Variants in KLF3 observed in about 807,000 individuals in gnomAD.
KLF3 encodes Krueppel-like factor 3.
Under a neutral mutation model 32.7 loss-of-function variants are expected in KLF3, and 6 were observed. That is an observed-to-expected ratio of 0.18 (90% CI 0.10 to 0.36). The LOEUF (loss-of-function observed/expected upper bound fraction) is 0.36, where lower values mean the gene tolerates loss of function less well. KLF3 is among the 10% of genes least tolerant of loss of function. The probability of loss-of-function intolerance (pLI) is 1.00; values close to 1 mark genes in which losing one functional copy is unlikely to be tolerated. For synonymous variants in KLF3, 145 were observed against 172.8 expected (o/e 0.84, Z 1.26); for missense variants, 338 against 449.7 (o/e 0.75, Z 2.25).
chr4:38,698,961 T>A lies in KLF3; in HGVS notation c.*1698T>A, dbSNP rs934815775. 1 of 152,206 alleles carries A rather than the reference T, an allele frequency of 6.6e-6. No individual in the cohort carries two copies. The highest frequency in any genetic ancestry group is 2.4e-5 in the African/African-American group (1 of 41,456). The allele number at this position is 152,206 out of a possible 1,614,324, so 9.4% of individuals were successfully genotyped here. ...CTGGGAGGAATACATTGTTTGATCA[T>A]TTTTAAAACATCTGTGAATGAGTGA... On this transcript the variant is annotated 3_prime_UTR_variant, in exon 6 of 6. Transcript: ENST00000261438.
chr4:38,687,127 C>T (rs1722728000), intron 2 of KLF3, among the ~76,000 whole-genome samples: 1 of 152,166 alleles, frequency 6.6e-6, no homozygotes, highest in Non-Finnish European at 1.5e-5. Context: ...GGTTGCATCC[C>T]AAGTTAGTAT....
chr4:38,677,801 C>T (rs1722397592), intron 1 of KLF3, among the ~76,000 whole-genome samples: 1 of 151,864 alleles, frequency 6.6e-6, no homozygotes, highest in African/African-American at 2.4e-5. Context: ...GAAGTTGGAA[C>T]CAACACATTT....
intron 2 of KLF3, 27 bp downstream of exon 2, chr4:38,680,709 G>A (rs759970773): frequency 1.3e-5 from 20 of 1,565,394 alleles, no homozygotes; most frequent in Admixed American, 8.4e-5. Flanking sequence ...TGAACACCTC[G>A]CCTTATTTTT....
chr4:38,685,846 A>G (rs1435544471), intron 2 of KLF3, among the ~76,000 whole-genome samples: 2 of 152,190 alleles, frequency 1.3e-5, no homozygotes, highest in Non-Finnish European at 2.9e-5. Context: ...TCTCCTTCCT[A>G]TATTTAATTA....
At chr4:38,664,536 T>A (rs984326277) in intron 1 of KLF3, 75 bp downstream of exon 1, 2 of 150,988 alleles carry the variant, frequency 1.3e-5, no homozygotes, top group East Asian at 4.0e-4. Context: ...TCTGGTTTCA[T>A]TTTTTCTCCT....
At position 38,697,098 on chromosome 4, in the gene KLF3, A is replaced by T; in HGVS notation, c.873A>T (p.Lys291Asn). Residue 291 changes from lysine to asparagine, a missense_variant, in exon 6 of 6, where the codon AAA (lysine) becomes AAT (asparagine). Transcript: ENST00000261438. ...CTTTTGCAGGAGAAAAACCCTACAA[A>T]TGTACATGGGAAGGGTGCACATGGA... ...RRTHTGEKPY[K>N]CTWEGCTWKF... 1 of 1,606,912 alleles carries T rather than the reference A, an allele frequency of 6.2e-7. No individual in the cohort carries two copies. The highest frequency in any genetic ancestry group is 1.3e-5 in the African/African-American group (1 of 74,636).
At chr4:38,689,137 T>C (rs1397192949) in intron 3 of KLF3, 66 bp downstream of exon 3, 1 of 1,581,542 alleles carries the variant, frequency 6.3e-7, no homozygotes, top group Admixed American at 1.7e-5. Context: ...CCAGATGGGG[T>C]GGGTGAGGAA....
At chr4:38,677,857 G>T (rs1722398511) in intron 1 of KLF3, among the ~76,000 whole-genome samples, 1 of 149,700 alleles carries the variant, frequency 6.7e-6, no homozygotes, top group Non-Finnish European at 1.5e-5. Flanking sequence ...TGTGCATATG[G>T]ATATAAATGA....
At chr4:38,695,242 T>C (rs555681812) in intron 5 of KLF3, among the ~76,000 whole-genome samples, 1 of 152,370 alleles carries the variant, frequency 6.6e-6, no homozygotes, top group South Asian at 2.1e-4. Context: ...TCCTGTGAGC[T>C]ATTTCACATA....
chr4:38,665,330 G>C (rs1290764072), intron 1 of KLF3, among the ~76,000 whole-genome samples: 5 of 152,114 alleles, frequency 3.3e-5, no homozygotes, highest in Non-Finnish European at 7.4e-5. Flanking sequence ...CAGATCCCTG[G>C]ATCAGGACCC....
intron 3 of KLF3, among the ~76,000 whole-genome samples, 162 bp from the exon 4 acceptor site, chr4:38,689,567 C>A (rs980200694): frequency 1.3e-5 from 2 of 152,170 alleles, no homozygotes; most frequent in South Asian, 4.1e-4. Context: ...AAATAATGGT[C>A]AGGAGAGGTG....
intron 4 of KLF3, 127 bp downstream of exon 4, chr4:38,690,006 G>C: frequency 1.1e-6 from 1 of 871,018 alleles, no homozygotes; most frequent in Non-Finnish European, 1.8e-6. Flanking sequence ...ATCTGTGGCC[G>C]CCACTGGTCC....
rs1722453395 is a variant in KLF3, at chr4:38,679,522, T to A, written c.-39-1065T>A. Among the ~76,000 whole-genome samples the A allele has an allele frequency of 1.3e-5, 2 of 152,204 alleles. 1 individual carries two copies. The highest frequency in any genetic ancestry group is 4.1e-4 in the South Asian group (2 of 4,832). ...AATGTATATACTTCTCACCCAGGAA[T>A]TCCCCTACAGAAAACTTATCCTAAA... On this transcript the variant is annotated intron_variant, in intron 1 of 5. Coordinates refer to ENST00000261438, the MANE Select transcript of KLF3 (RefSeq NM_016531.6).
intron 2 of KLF3, among the ~76,000 whole-genome samples, chr4:38,687,429 T>C (rs921737177): frequency 4.6e-5 from 7 of 152,204 alleles, no homozygotes; most frequent in Non-Finnish European, 8.8e-5. Context: ...ATAGTGCCCA[T>C]TGTGTGAAAT....
In KLF3 at chr4:38,691,010, G is replaced by A. The variant is rs185006734; in HGVS notation, c.695+1131G>A. Among the ~76,000 whole-genome samples the A allele has an allele frequency of 3.3e-5, 5 of 152,188 alleles. No homozygotes were observed. In the East Asian group the frequency reaches 5.8e-4, roughly 18 times the overall value. ...ATGAAGAAGAGAATAACTCTTAGCC[G>A]ACTTCATCAGCAGGTAGGGAGAGAG... On this transcript the variant is annotated intron_variant, in intron 4 of 5. Transcript: ENST00000261438.
rs1030908511 is a variant in KLF3 at position 38,699,925 on chromosome 4, T to G, written c.*2662T>G. The G allele has an allele frequency of 1.3e-5, 2 of 152,252 alleles. No homozygotes were observed. Among genetic ancestry groups the G allele is most frequent in the Non-Finnish European group, 2.9e-5 (2 of 68,032 alleles). The allele number at this position is 152,252 out of a possible 1,614,324, so 9.4% of individuals were successfully genotyped here. On this transcript the variant is annotated 3_prime_UTR_variant, in exon 6 of 6. Transcript: ENST00000261438. ...ATACAAGATTAGATGCCCTTGAACA[T>G]GTTTTAATGATGTGTGTCATGTTAC...
At position 38,664,217 on chromosome 4, in the gene KLF3, G is replaced by A. The variant is rs1721903123; in HGVS notation, c.-284G>A. On this transcript the variant is annotated 5_prime_UTR_variant, in exon 1 of 6. Transcript: ENST00000261438. ...GGCTCGCAGAGCGAGCGGCGCCGGCGTCATGTGACTGCCCGGAGTTGGTGC... is the reference window on the plus strand; with the variant it reads ...GGCTCGCAGAGCGAGCGGCGCCGGCATCATGTGACTGCCCGGAGTTGGTGC... 1 of 152,016 alleles carries A rather than the reference G, an allele frequency of 6.6e-6. No homozygotes were observed. The highest frequency in any genetic ancestry group is 2.1e-4 in the South Asian group (1 of 4,836). 9.4% of individuals were successfully genotyped at this position (152,016 alleles called of 1,614,324 possible).
Position 38,699,859 on chromosome 4 carries a change from G to A in KLF3, c.*2596G>A, listed in dbSNP as rs1301738188. ...TTTACTATGATAGTTGAGAAATTTAGCCTCTTAGTCATTTTTAGCTGTTAT... is the reference window on the plus strand; with the variant it reads ...TTTACTATGATAGTTGAGAAATTTAACCTCTTAGTCATTTTTAGCTGTTAT... On this transcript the variant is annotated 3_prime_UTR_variant, in exon 6 of 6. Coordinates refer to ENST00000261438, the MANE Select transcript of KLF3 (RefSeq NM_016531.6). 6.6e-6 allele frequency: 1 copy of A among 152,092 alleles called. No individual in the cohort carries two copies. The highest frequency in any genetic ancestry group is 2.4e-5 in the African/African-American group (1 of 41,408). The allele number at this position is 152,092 out of a possible 1,614,324, so 9.4% of individuals were successfully genotyped here. A position where few individuals can be genotyped will look rare whatever the true frequency, so the allele number is the denominator to read the frequency against.
At chr4:38,668,625 G>C (rs1722110254) in intron 1 of KLF3, among the ~76,000 whole-genome samples, 1 of 152,166 alleles carries the variant, frequency 6.6e-6, no homozygotes, top group South Asian at 2.1e-4. Context: ...GAAATACTTA[G>C]CTGACCTGTA....
Sources: allele counts gnomAD v4.1 joint callset (sites outside exome capture counted in the v4.1 genomes callset), GRCh38; gene constraint gnomAD v4.1.1; transcripts MANE v1.5; gene names NCBI Gene and HGNC (gene_info 2026-07-23, HGNC 2026-07-21).